The following SLC38A8 variants were observed in gnomAD, a reference collection of about 807,000 sequenced individuals.
SLC38A8 encodes amino acid transporter SLC38A8.
Under a neutral mutation model 46.0 loss-of-function variants are expected in SLC38A8, and 65 were observed. The ratio of observed to expected loss-of-function variants is 1.41; its 90% CI spans 1.16 to 1.74. The LOEUF is 1.74. SLC38A8 is among the 40% of genes most tolerant of loss of function. The probability of loss-of-function intolerance (pLI) is 0.00; values close to 1 mark genes in which losing one functional copy is unlikely to be tolerated. For synonymous variants in SLC38A8, 447 were observed against 243.7 expected, an observed-to-expected ratio of 1.83 and a Z score of -7.77; for missense variants, 998 against 567.9, an observed-to-expected ratio of 1.76 and a Z score of -7.70.
chr16:84,011,039 A>G (rs113857440), intron 10 of SLC38A8, among the ~76,000 whole-genome samples: 1,702 of 152,254 alleles, frequency 0.011, 24 homozygotes, highest in African/African-American at 0.039. Flanking sequence ...CACCAGAGAT[A>G]TTTGTGGCCC....
chr16:84,009,685 T>C lies in SLC38A8; in HGVS notation c.*99A>G. The C allele has an allele frequency of 9.7e-7, 1 of 1,033,248 alleles. No individual in the cohort carries two copies. Among genetic ancestry groups the C allele is most frequent in the Admixed American group, 2.7e-5 (1 of 36,378 alleles). 64.0% of individuals were successfully genotyped at this position (1,033,248 alleles called of 1,614,324 possible). A position where few individuals can be genotyped will look rare whatever the true frequency, so the allele number is the denominator to read the frequency against. On this transcript the variant is annotated 3_prime_UTR_variant, in exon 11 of 11. Transcript: ENST00000299709. ...GAAGGCATCAGTCTCTCCAGCATCT[T>C]TATGAGGAAAAGAAATGGCATCGGT... is the stretch of plus-strand genomic sequence containing the variant.
intron 9 of SLC38A8, 142 bp downstream of exon 9, chr16:84,016,377 A>T (rs1268926022): frequency 2.2e-6 from 2 of 897,386 alleles, no homozygotes; most frequent in South Asian, 1.8e-5. Flanking sequence ...TGGCTCAATA[A>T]AAAGGGCACC....
intron 4 of SLC38A8, among the ~76,000 whole-genome samples, chr16:84,032,211 C>A (rs567497495): frequency 6.6e-6 from 1 of 151,990 alleles, no homozygotes; most frequent in Non-Finnish European, 1.5e-5. Flanking sequence ...TTTTTTGAGA[C>A]GGAGTCTCGC....
Position 84,042,164 on chromosome 16 carries a change from A to T in SLC38A8, c.-2-5T>A, listed in dbSNP as rs2085375771. ...CTGGGGTCTGTCCCTCCATGGCTAG[A>T]GGCGGCAGAGGGGTGGAGAGAAAGC... On this transcript the variant is annotated splice_region_variant and splice_polypyrimidine_tract_variant and intron_variant, in intron 1 of 10. Transcript: ENST00000299709. 6.2e-7 allele frequency: 1 copy of T among 1,604,236 alleles called. No homozygotes were observed. Among genetic ancestry groups the T allele is most frequent in the South Asian group, 1.1e-5 (1 of 89,398 alleles).
intron 9 of SLC38A8, among the ~76,000 whole-genome samples, chr16:84,014,717 G>A (rs7194792): frequency 0.37 from 56,814 of 152,118 alleles, 15,222 homozygotes; most frequent in African/African-American, 0.77. Flanking sequence ...CCCAATTTAC[G>A]GGAGCTGGGG....
intron 7 of SLC38A8, among the ~76,000 whole-genome samples, chr16:84,020,134 A>T (rs1350095505): frequency 7.2e-6 from 1 of 137,952 alleles, no homozygotes; most frequent in African/African-American, 2.8e-5. Flanking sequence ...TTTCCACAAC[A>T]TCCGTTGTTT....
intron 10 of SLC38A8, among the ~76,000 whole-genome samples, chr16:84,011,645 G>C (rs1434410750): frequency 6.6e-6 from 1 of 152,206 alleles, no homozygotes; most frequent in Non-Finnish European, 1.5e-5. Flanking sequence ...GGGTTTTGCA[G>C]ATGTAATTAA....
intron 4 of SLC38A8, among the ~76,000 whole-genome samples, chr16:84,032,507 C>T (rs560020141): frequency 1.2e-4 from 18 of 152,246 alleles, no homozygotes; most frequent in African/African-American, 4.1e-4. Context: ...TAATGGCACC[C>T]GGCGCCCTTC....
chr16:84,036,461 G>A (rs759756939), intron 3 of SLC38A8, among the ~76,000 whole-genome samples: 25 of 152,322 alleles, frequency 1.6e-4, no homozygotes, highest in Non-Finnish European at 2.4e-4. Flanking sequence ...ATCTCCACTG[G>A]ATATCCTAAT....
chr16:84,022,719 T>C, intron 7 of SLC38A8, 56 bp downstream of exon 7: 2 of 1,227,352 alleles, frequency 1.6e-6, no homozygotes, highest in East Asian at 2.3e-5. Flanking sequence ...TCGCTGTTAC[T>C]CTTGTTTCTA....
At chr16:84,036,615 G>T (rs998930903) in intron 3 of SLC38A8, 87 bp downstream of exon 3, 1 of 1,470,740 alleles carries the variant, frequency 6.8e-7, no homozygotes, top group South Asian at 1.2e-5. Flanking sequence ...CCAGGCCAGG[G>T]CCCCACGTCC....
rs116428628 is a variant in SLC38A8 at position 84,014,734 on chromosome 16, C to A, written c.1163-1682G>T. Among the ~76,000 whole-genome samples the A allele has an allele frequency of 6.2e-3, 950 of 152,316 alleles. 9 individuals carry two copies. The highest frequency in any genetic ancestry group is 0.021 in the African/African-American group (883 of 41,554). On this transcript the variant is annotated intron_variant, in intron 9 of 10. Transcript: ENST00000299709. ...CAATTTACGGGAGCTGGGGCAGGTA[C>A]GGTTAGATTCTCAAGGGACTACATC... is the stretch of plus-strand genomic sequence containing the variant.
chr16:84,039,733 G>C (rs552972056), intron 2 of SLC38A8, among the ~76,000 whole-genome samples: 59 of 127,124 alleles, frequency 4.6e-4, no homozygotes, highest in African/African-American at 1.6e-3. Context: ...GGGCAAGAGA[G>C]TGAGACCTTC....
chr16:84,038,995 T>C (rs1597280839), intron 2 of SLC38A8, among the ~76,000 whole-genome samples: 3 of 152,124 alleles, frequency 2.0e-5, no homozygotes, highest in South Asian at 4.1e-4. Context: ...GTTAATTAAG[T>C]GAAAAAGGGG....
chr16:84,022,620 G>A (rs1454879975), intron 7 of SLC38A8, among the ~76,000 whole-genome samples, 155 bp downstream of exon 7: 3 of 152,196 alleles, frequency 2.0e-5, no homozygotes, highest in African/African-American at 7.2e-5. Flanking sequence ...ATGAAATGAG[G>A]CCTTTTCCTA....
chr16:84,031,133 C>T (rs890926581), intron 5 of SLC38A8, among the ~76,000 whole-genome samples: 2 of 152,066 alleles, frequency 1.3e-5, no homozygotes, highest in African/African-American at 2.4e-5. Flanking sequence ...CTCTGCCACC[C>T]GGTTCAAGCA....
At chr16:84,017,066 C>A in intron 8 of SLC38A8, 74 bp downstream of exon 8, 2 of 1,577,720 alleles carry the variant, frequency 1.3e-6, no homozygotes, top group South Asian at 1.2e-5. Context: ...GTAGCCCACA[C>A]CTGGTACATG....
chr16:84,019,331 A>AC (rs1305772617), intron 7 of SLC38A8, among the ~76,000 whole-genome samples: 5 of 151,994 alleles, frequency 3.3e-5, no homozygotes, highest in African/African-American at 1.2e-4. Flanking sequence ...GCCTCAGCCT[A>AC]CCATAATGCT....
intron 6 of SLC38A8, among the ~76,000 whole-genome samples, chr16:84,023,798 G>T (rs371637688): frequency 1.3e-5 from 2 of 152,340 alleles, no homozygotes; most frequent in South Asian, 4.1e-4. Context: ...GGAAGCTGAG[G>T]CAGGTGAATC....
Sources: allele counts gnomAD v4.1 joint callset (sites outside exome capture counted in the v4.1 genomes callset), GRCh38; gene constraint gnomAD v4.1.1; transcripts MANE v1.5; gene names NCBI Gene and HGNC (gene_info 2026-07-23, HGNC 2026-07-21).